UGT3A1: variants seen among roughly 807,000 people sequenced by gnomAD.
UGT3A1 encodes UDP glycosyltransferase family 3 member A1.
UGT3A1 carries 40 observed loss-of-function variants against 37.6 expected under a neutral mutation model. That is an observed-to-expected ratio of 1.06 (90% CI 0.83 to 1.38). The LOEUF is 1.38. Among genes scored for constraint, UGT3A1 ranks in the 40% most tolerant of loss-of-function variants. The pLI is 0.00. For missense variants in UGT3A1, 642 were observed against 634.2 expected (o/e 1.01, Z -0.13); for synonymous variants, 256 against 232.3 (o/e 1.10, Z -0.93).
At chr5:35,985,567 T>C (rs537860534) in intron 2 of UGT3A1, among the ~76,000 whole-genome samples, 66 of 152,226 alleles carry the variant, frequency 4.3e-4, no homozygotes, top group Non-Finnish European at 7.6e-4. Context: ...ATAGCAACCT[T>C]ATCTTCAACA....
intron 2 of UGT3A1, among the ~76,000 whole-genome samples, chr5:35,983,555 C>T (rs1580955964): frequency 6.6e-6 from 1 of 152,000 alleles, no homozygotes; most frequent in East Asian, 1.9e-4. Flanking sequence ...ATAGGGCCAG[C>T]CATACTCTGA....
At chr5:35,964,340 C>T (rs1040780728) in intron 4 of UGT3A1, among the ~76,000 whole-genome samples, 4 of 152,106 alleles carry the variant, frequency 2.6e-5, no homozygotes, top group Admixed American at 6.5e-5. Flanking sequence ...ATCTAGCCAG[C>T]GTCACCCAGA....
rs1309545930 is a variant in UGT3A1, at chr5:35,988,467, C to T, written c.179G>A (p.Gly60Glu). 4 of 1,602,500 alleles carry T rather than the reference C, an allele frequency of 2.5e-6. No homozygotes were observed. The highest frequency in any genetic ancestry group is 2.6e-6 in the Non-Finnish European group (3 of 1,175,596). ...AAAGATACCTGGGATCAAAAACTTT[C>T]CACTCTGATGAAGCATAGTCACATT... ...GHNVTMLHQS[G>E]KFLIPDIKEE... The change falls in exon 2 of 7, where the codon GGA (glycine) becomes GAA (glutamate). Residue 60 changes from glycine to glutamate, a missense_variant. Gly to Glu is a moderately conservative substitution (Grantham distance 98). Coordinates refer to ENST00000274278, the MANE Select transcript of UGT3A1 (RefSeq NM_152404.4).
At chr5:35,994,333 T>TTTGTTTGTGTGTGTG (rs1368444490), upstream of UGT3A1, among the ~76,000 whole-genome samples, 203 of 138,630 alleles carry the variant, frequency 1.5e-3, 1 homozygote, top group East Asian at 0.029. Context: ...TTTGTTTTGT[T>TTTGTTTGTGTGTGTG]TGTGTGTGTG....
rs1413520801 is a variant in UGT3A1, at chr5:35,954,139, G to A, written c.*63C>T. 1.3e-6 allele frequency: 2 copies of A among 1,550,556 alleles called. No homozygotes were observed. Among genetic ancestry groups the A allele is most frequent in the Middle Eastern group, 2.1e-4 (1 of 4,842 alleles). On this transcript the variant is annotated 3_prime_UTR_variant, in exon 7 of 7. Transcript: ENST00000274278. ...AGAGAACAGAGGGGTGGCGTGTGCTGGGGTGGGGAGAACCTTCAAAGGACC... is the reference window on the plus strand; with the variant it reads ...AGAGAACAGAGGGGTGGCGTGTGCTAGGGTGGGGAGAACCTTCAAAGGACC...
chr5:35,992,422 GA>G (rs1740979885), upstream of UGT3A1, among the ~76,000 whole-genome samples: 1 of 152,052 alleles, frequency 6.6e-6, no homozygotes, highest in Non-Finnish European at 1.5e-5. Flanking sequence ...GAGAAGTGTG[GA>G]GGGGGGAAGG....
At chr5:35,955,246 G>A in intron 6 of UGT3A1, 1 of 317,454 alleles carries the variant, frequency 3.2e-6, no homozygotes, top group Non-Finnish European at 5.8e-6. Flanking sequence ...GAAGGAGCCA[G>A]TCCTGTGAAG....
intron 1 of UGT3A1, among the ~76,000 whole-genome samples, chr5:36,000,817 T>C (rs368753081): frequency 9.8e-5 from 15 of 152,370 alleles, no homozygotes; most frequent in African/African-American, 3.6e-4. Flanking sequence ...TTTAATATCC[T>C]TTAGTAACTG....
intron 2 of UGT3A1, among the ~76,000 whole-genome samples, chr5:35,977,528 C>A (rs1281816414): frequency 2.0e-5 from 3 of 152,066 alleles, no homozygotes; most frequent in Non-Finnish European, 4.4e-5. Context: ...TTTAAAAGAG[C>A]TTAGCACTTC....
chr5:35,968,466 C>T (rs989582546), intron 2 of UGT3A1, among the ~76,000 whole-genome samples: 2 of 152,152 alleles, frequency 1.3e-5, no homozygotes, highest in African/African-American at 2.4e-5. Context: ...CCTTTGCACA[C>T]ATAATGAGCT....
At chr5:35,997,661 G>C (rs7726231) in intron 1 of UGT3A1, among the ~76,000 whole-genome samples, 1 of 151,924 alleles carries the variant, frequency 6.6e-6, no homozygotes, top group African/African-American at 2.4e-5. Context: ...TCCTGACCTC[G>C]TGATCCACCC....
At chr5:35,959,795 CAT>C (rs1370045678) in intron 4 of UGT3A1, among the ~76,000 whole-genome samples, 1 of 151,928 alleles carries the variant, frequency 6.6e-6, no homozygotes, top group Non-Finnish European at 1.5e-5. Flanking sequence ...TTAAAAATAA[CAT>C]ACACACACAC....
chr5:35,964,296 T>C (rs1318215711), intron 4 of UGT3A1, among the ~76,000 whole-genome samples: 1 of 152,074 alleles, frequency 6.6e-6, no homozygotes, highest in Non-Finnish European at 1.5e-5. Context: ...ATCCCCATGG[T>C]TTTATTCATG....
Position 35,955,801 on chromosome 5 carries a change from C to G in UGT3A1, c.1139G>C (p.Arg380Pro). 6.2e-7 allele frequency: 1 copy of G among 1,614,180 alleles called. No individual in the cohort carries two copies. The highest frequency in any genetic ancestry group is 8.5e-7 in the Non-Finnish European group (1 of 1,180,038). The change falls in exon 6 of 7, where the codon CGT (arginine) becomes CCT (proline). Residue 380 changes from arginine to proline, a missense_variant. Physicochemically the swap from Arg to Pro is moderately radical, Grantham distance 103. Coordinates refer to ENST00000274278, the MANE Select transcript of UGT3A1 (RefSeq NM_152404.4). ...TAATCCCACCATGGGCACACCATGACGGATGGCCTCCATTACGCTGTTCTG... is the reference window on the plus strand; with the variant it reads ...TAATCCCACCATGGGCACACCATGAGGGATGGCCTCCATTACGCTGTTCTG... ...GGQNSVMEAI[R>P]HGVPMVGLPV...
At chr5:35,978,301 C>T (rs374703685) in intron 2 of UGT3A1, among the ~76,000 whole-genome samples, 21 of 152,220 alleles carry the variant, frequency 1.4e-4, no homozygotes, top group African/African-American at 4.3e-4. Flanking sequence ...TCTCAAAGTG[C>T]GGGGATTACA....
chr5:35,969,579 G>T (rs1339216810), intron 2 of UGT3A1, among the ~76,000 whole-genome samples: 1 of 152,018 alleles, frequency 6.6e-6, no homozygotes. Flanking sequence ...TGGGATGCAA[G>T]AACAAAAACT....
At chr5:35,978,987 A>T (rs1740410974) in intron 2 of UGT3A1, among the ~76,000 whole-genome samples, 1 of 152,100 alleles carries the variant, frequency 6.6e-6, no homozygotes, top group Admixed American at 6.6e-5. Context: ...AGGGCGGTCA[A>T]ATCTAAAAGC....
Position 35,954,130 on chromosome 5 carries a change from G to T in UGT3A1, c.*72C>A. On this transcript the variant is annotated 3_prime_UTR_variant, in exon 7 of 7. Coordinates refer to ENST00000274278, the MANE Select transcript of UGT3A1 (RefSeq NM_152404.4). Reference sequence around the variant, plus strand: ...GAGCTGAAGAGAGAACAGAGGGGTGGCGTGTGCTGGGGTGGGGAGAACCTT... The same window carrying T: ...GAGCTGAAGAGAGAACAGAGGGGTGTCGTGTGCTGGGGTGGGGAGAACCTT... 6.7e-7 allele frequency: 1 copy of T among 1,501,236 alleles called. No individual in the cohort carries two copies. The highest frequency in any genetic ancestry group is 9.1e-7 in the Non-Finnish European group (1 of 1,098,920). The allele number at this position is 1,501,236 out of a possible 1,614,324, so 93.0% of individuals were successfully genotyped here. A position where few individuals can be genotyped will look rare whatever the true frequency, so the allele number is the denominator to read the frequency against.
At chr5:35,996,779 G>A (rs574586181) in intron 2 of UGT3A1, among the ~76,000 whole-genome samples, 2 of 152,306 alleles carry the variant, frequency 1.3e-5, no homozygotes, top group East Asian at 3.9e-4. Flanking sequence ...AAGTGGAGCA[G>A]AGAAGGAAAT....
Sources: allele counts gnomAD v4.1 joint callset (sites outside exome capture counted in the v4.1 genomes callset), GRCh38; gene constraint gnomAD v4.1.1; transcripts MANE v1.5; gene names NCBI Gene and HGNC (gene_info 2026-07-23, HGNC 2026-07-21).